MICAL3: variants seen among roughly 807,000 people sequenced by gnomAD.
MICAL3 encodes microtubule associated monooxygenase, calponin and LIM domain containing 3.
In MICAL3, 62 loss-of-function variants were observed where a neutral mutation model predicts 207.4. The ratio of observed to expected loss-of-function variants is 0.30; its 90% CI spans 0.24 to 0.37. The LOEUF (loss-of-function observed/expected upper bound fraction) is 0.37. MICAL3 is among the 10% of genes least tolerant of loss of function. MICAL3 has a pLI of 1.00. For missense variants in MICAL3, 2,368 were observed against 2,635.6 expected (o/e 0.90, Z 2.22); for synonymous variants, 1,077 against 1,069.3 (o/e 1.01, Z -0.14).
At chr22:17,794,101 A>G (rs1390884359) in intron 29 of MICAL3, among the ~76,000 whole-genome samples, 1 of 152,220 alleles carries the variant, frequency 6.6e-6, no homozygotes, top group African/African-American at 2.4e-5. Context: ...GGCCAGAGCC[A>G]CAGTGTGGAT....
chr22:17,836,147 T>A (rs1923339070), intron 20 of MICAL3, among the ~76,000 whole-genome samples: 1 of 152,202 alleles, frequency 6.6e-6, no homozygotes, highest in African/African-American at 2.4e-5. Context: ...GGGAAAGAAA[T>A]CCAACAGGCA....
At chr22:17,919,321 A>G (rs914299372) in intron 1 of MICAL3, among the ~76,000 whole-genome samples, 3 of 152,096 alleles carry the variant, frequency 2.0e-5, no homozygotes, top group Admixed American at 6.5e-5. Flanking sequence ...TTGGCCTCCC[A>G]CTGGGATTAC....
intron 1 of MICAL3, among the ~76,000 whole-genome samples, chr22:18,011,732 C>CAA (rs57778619): frequency 4.8e-5 from 7 of 144,386 alleles, no homozygotes; most frequent in South Asian, 2.2e-4. Flanking sequence ...ATTAAATATA[C>CAA]AAAAAAAAAA....
Position 17,822,175 on chromosome 22 carries a change from C to G in MICAL3, c.3308-5G>C. 1 of 1,612,846 alleles carries G rather than the reference C, an allele frequency of 6.2e-7. No individual in the cohort carries two copies. The highest frequency in any genetic ancestry group is 1.1e-5 in the South Asian group (1 of 90,986). On this transcript the variant is annotated splice_region_variant and splice_polypyrimidine_tract_variant and intron_variant, in intron 23 of 31. Transcript: ENST00000441493. ...GGCTGTCAGACCAGTGCTGATCTGGCAGAGGGAAGGGGCAGAAGTGGGTGC... is the reference window on the plus strand; with the variant it reads ...GGCTGTCAGACCAGTGCTGATCTGGGAGAGGGAAGGGGCAGAAGTGGGTGC...
At chr22:18,008,389 T>C (rs1252848103) in intron 1 of MICAL3, among the ~76,000 whole-genome samples, 1 of 152,204 alleles carries the variant, frequency 6.6e-6, no homozygotes, top group Admixed American at 6.5e-5. Context: ...AAGCCATGTG[T>C]AGTCTAATGG....
At chr22:17,910,380 C>CCCACTA (rs1183525285) in intron 1 of MICAL3, among the ~76,000 whole-genome samples, 4 of 152,198 alleles carry the variant, frequency 2.6e-5, no homozygotes, top group African/African-American at 9.7e-5. Flanking sequence ...CAAATCAAAC[C>CCCACTA]CCACTACAGA....
At position 17,954,628 on chromosome 22, in the gene MICAL3, G is replaced by A. The variant is rs970906510; in HGVS notation, c.-74-47742C>T. Among the ~76,000 whole-genome samples the A allele has an allele frequency of 4.6e-5, 7 of 152,172 alleles. No individual in the cohort carries two copies. The South Asian group carries it at 6.2e-4, about 14-fold the overall frequency. On this transcript the variant is annotated intron_variant, in intron 1 of 31. Coordinates refer to ENST00000441493, the MANE Select transcript of MICAL3 (RefSeq NM_015241.3). ...CTGGCTAATGTTTAGCCAGGCAAAC[G>A]TTAAACCATGCCTGGAACACCATGG...
At chr22:17,895,936 T>C (rs1370500079) in intron 9 of MICAL3, among the ~76,000 whole-genome samples, 1 of 152,234 alleles carries the variant, frequency 6.6e-6, no homozygotes. Flanking sequence ...ATATCCCATT[T>C]AGGGGTTTGA....
At chr22:18,006,569 C>T (rs1228093707) in intron 1 of MICAL3, 4 of 152,208 alleles carry the variant, frequency 2.6e-5, no homozygotes, top group East Asian at 1.9e-4. Flanking sequence ...GACGGTGGCT[C>T]ATGCCTCTAA....
Position 17,901,908 on chromosome 22 carries a change from C to A in MICAL3, c.661G>T (p.Gly221Cys). 1 of 1,613,612 alleles carries A rather than the reference C, an allele frequency of 6.2e-7. No homozygotes were observed. The highest frequency in any genetic ancestry group is 8.5e-7 in the Non-Finnish European group (1 of 1,179,636). ...AAGGTGTTCCTCCGACCATCCCCAC[C>A]GATGATCACTTCAAATTCATACTCT... ...VSEYEFEVII[G>C]GDGRRNTLEG... Residue 221 changes from glycine (G) to cysteine (C), a missense_variant, in exon 5 of 32, where the codon GGT becomes TGT. This residue lies in a region of MICAL3 where 400 missense variants were observed against 547.0 expected (regional missense o/e 0.73). Transcript: ENST00000441493.
chr22:17,851,636 C>T (rs1025343432), intron 19 of MICAL3, among the ~76,000 whole-genome samples: 7 of 152,196 alleles, frequency 4.6e-5, no homozygotes, highest in African/African-American at 1.7e-4. Context: ...TCATGACCAC[C>T]ATGCCTGTCA....
Position 18,024,310 on chromosome 22 carries a change from C to A in MICAL3, c.-104G>T, listed in dbSNP as rs2146523458. 1 of 152,372 alleles carries A rather than the reference C, an allele frequency of 6.6e-6. No individual in the cohort carries two copies. Among genetic ancestry groups the A allele is most frequent in the South Asian group, 2.1e-4 (1 of 4,834 alleles). The allele number at this position is 152,372 out of a possible 1,614,324, so 9.4% of individuals were successfully genotyped here. ...TAGGGCTTCACAGCCGCATCACCGC[C>A]GGCGGTGGGCGCCTGCCTCGGCAGG... On this transcript the variant is annotated 5_prime_UTR_variant, in exon 1 of 32. Transcript: ENST00000441493.
Position 17,891,518 on chromosome 22 carries a change from C to G in MICAL3, c.1661G>C (p.Cys554Ser), listed in dbSNP as rs1216395639. The change falls in exon 12 of 32, where the codon TGT becomes TCT. Residue 554 changes from cysteine (C) to serine (S), a missense_variant. Physicochemically the swap from Cys to Ser is moderately radical, Grantham distance 112. Coordinates refer to ENST00000441493, the MANE Select transcript of MICAL3 (RefSeq NM_015241.3). ...TMSWKSGLALCAIIHRYRPDL... is the reference protein window; with the variant it reads ...TMSWKSGLALSAIIHRYRPDL... ...AGGGCGGTATCTATGGATAATTGCA[C>G]AAAGGGCCAAGCCACTTTTCCAGGA... 1 of 1,613,968 alleles carries G rather than the reference C, an allele frequency of 6.2e-7. No homozygotes were observed. The highest frequency in any genetic ancestry group is 2.2e-5 in the East Asian group (1 of 44,868).
At chr22:17,964,504 C>A (rs1486596294) in intron 1 of MICAL3, among the ~76,000 whole-genome samples, 1 of 152,184 alleles carries the variant, frequency 6.6e-6, no homozygotes, top group Non-Finnish European at 1.5e-5. Context: ...CACTGACCAA[C>A]CCTAACAGGG....
chr22:17,996,723 G>C (rs563016915), intron 1 of MICAL3, among the ~76,000 whole-genome samples: 6 of 152,156 alleles, frequency 3.9e-5, no homozygotes, highest in Non-Finnish European at 7.3e-5. Context: ...GCTGGAGAGA[G>C]GGGGAAGTCC....
Position 18,021,981 on chromosome 22 carries a change from G to C in MICAL3, c.-75+2300C>G, listed in dbSNP as rs577077007. ...ACCCAAATGAAAGCGAGGTCATTAGGAAGCTGTGCCTGGTGAAGTTCTGGC... is the reference window on the plus strand; with the variant it reads ...ACCCAAATGAAAGCGAGGTCATTAGCAAGCTGTGCCTGGTGAAGTTCTGGC... On this transcript the variant is annotated intron_variant, in intron 1 of 31. Coordinates refer to ENST00000441493, the MANE Select transcript of MICAL3 (RefSeq NM_015241.3). 3.9e-5 allele frequency among the ~76,000 whole-genome samples: 6 copies of C among 152,270 alleles called. No homozygotes were observed. The East Asian group carries it at 1.2e-3, about 29-fold the overall frequency.
chr22:17,884,117 T>A (rs993597124), intron 16 of MICAL3, among the ~76,000 whole-genome samples: 2 of 152,222 alleles, frequency 1.3e-5, no homozygotes, highest in Non-Finnish European at 2.9e-5. Flanking sequence ...GCACTGCCTG[T>A]TCAATGTTTT....
chr22:17,977,536 T>TA (rs34483330), intron 1 of MICAL3, among the ~76,000 whole-genome samples: 42,734 of 137,604 alleles, frequency 0.31, 6,796 homozygotes, highest in African/African-American at 0.46. Context: ...AAGACTATAA[T>TA]AAAAAAAAAA....
At chr22:17,874,759 C>A (rs1274354509) in intron 16 of MICAL3, among the ~76,000 whole-genome samples, 1 of 152,136 alleles carries the variant, frequency 6.6e-6, no homozygotes, top group Non-Finnish European at 1.5e-5. Context: ...TCAACCCAGG[C>A]ATGGGAAATA....
Sources: gnomAD v4.1 joint callset for allele counts (sites outside exome capture counted in the v4.1 genomes callset) on GRCh38, gnomAD v4.1.1 for gene constraint, gnomAD v4.1.1 regional missense constraint, MANE v1.5 for transcripts, NCBI Gene and HGNC (gene_info 2026-07-23, HGNC 2026-07-21) for gene names.